The following DCK variants were observed in gnomAD, a reference collection of about 807,000 sequenced individuals.
DCK encodes the protein deoxycytidine kinase.
A neutral mutation model predicts 38.3 loss-of-function variants in DCK; 23 were observed. That is an observed-to-expected ratio of 0.60 (90% CI 0.43 to 0.85). DCK has a LOEUF of 0.85. DCK is among the 40% of genes least tolerant of loss of function. The probability of loss-of-function intolerance (pLI) is 0.00; values close to 1 mark genes in which losing one functional copy is unlikely to be tolerated. For missense variants in DCK, 259 were observed against 304.4 expected (o/e 0.85, Z 1.11); for synonymous variants, 108 against 100.6 (o/e 1.07, Z -0.44).
chr4:71,007,425 T>C (rs147027864), intron 2 of DCK, among the ~76,000 whole-genome samples: 4 of 152,334 alleles, frequency 2.6e-5, no homozygotes, highest in African/African-American at 9.6e-5. Flanking sequence ...AAATCCCTGT[T>C]CGCCTTCTCC....
chr4:71,006,307 A>G (rs535076369), intron 2 of DCK: 1 of 961,224 alleles, frequency 1.0e-6, no homozygotes, highest in South Asian at 4.8e-5. Context: ...CTGCACTGCA[A>G]ATGAGGAAGA....
chr4:71,017,561 A>C (rs1174009672), intron 2 of DCK, among the ~76,000 whole-genome samples: 2 of 152,256 alleles, frequency 1.3e-5, no homozygotes, highest in South Asian at 2.1e-4. Context: ...TGGATTAAGA[A>C]AATGTGGCAC....
chr4:70,993,705 C>CGGG lies in DCK; in HGVS notation c.-129_-128insGGG. On this transcript the variant is annotated 5_prime_UTR_variant, in exon 1 of 7. Coordinates refer to ENST00000286648, the MANE Select transcript of DCK (RefSeq NM_000788.3). ...CAAACCCCGACACCCGCCGGCGGGC[C>CGGG]GGTGAGCTCACTAGCTGACCCGGCA... 3.3e-6 allele frequency: 2 copies of CGGG among 604,978 alleles called. No individual in the cohort carries two copies. The highest frequency in any genetic ancestry group is 5.7e-6 in the Non-Finnish European group (2 of 348,042). 37.5% of individuals were successfully genotyped at this position (604,978 alleles called of 1,614,324 possible). A position where few individuals can be genotyped will look rare whatever the true frequency, so the allele number is the denominator to read the frequency against.
At position 70,993,927 on chromosome 4, in the gene DCK, G is replaced by T. The variant is rs1208237060; in HGVS notation, c.91+1G>T. On this transcript the variant is annotated splice_donor_variant, in intron 1 of 6. Transcript: ENST00000286648. LOFTEE classifies it high-confidence loss of function. Reference sequence around the variant, plus strand: ...AAAATCTCCATCGAAGGGAACATCGGTAAGGAGCCTCCGGAAATGTGGGAC... The same window carrying T: ...AAAATCTCCATCGAAGGGAACATCGTTAAGGAGCCTCCGGAAATGTGGGAC... 5 of 1,608,934 alleles carry T rather than the reference G, an allele frequency of 3.1e-6. No individual in the cohort carries two copies. The highest frequency in any genetic ancestry group is 4.3e-6 in the Non-Finnish European group (5 of 1,175,382).
At chr4:71,013,029 G>A (rs1009882107) in intron 2 of DCK, among the ~76,000 whole-genome samples, 5 of 152,138 alleles carry the variant, frequency 3.3e-5, no homozygotes, top group African/African-American at 1.2e-4. Flanking sequence ...AAGACGAATG[G>A]CTAACTAGAA....
At chr4:71,002,813 A>G (rs937413124) in intron 2 of DCK, among the ~76,000 whole-genome samples, 4 of 151,986 alleles carry the variant, frequency 2.6e-5, no homozygotes, top group African/African-American at 9.7e-5. Flanking sequence ...TTTGCTTGGT[A>G]AATCTTCCTC....
chr4:70,999,181 C>T (rs1739729248), intron 2 of DCK, among the ~76,000 whole-genome samples: 1 of 152,090 alleles, frequency 6.6e-6, no homozygotes, highest in African/African-American at 2.4e-5. Context: ...CCTCCTACCC[C>T]ACCGACAGGC....
chr4:71,004,848 G>A (rs566718829), intron 2 of DCK, among the ~76,000 whole-genome samples: 5 of 152,174 alleles, frequency 3.3e-5, no homozygotes, highest in African/African-American at 1.2e-4. Flanking sequence ...TCAGACTGCT[G>A]TGCTGGCAGT....
At chr4:71,000,190 AT>A (rs1444995472) in intron 2 of DCK, among the ~76,000 whole-genome samples, 3 of 152,134 alleles carry the variant, frequency 2.0e-5, no homozygotes, top group African/African-American at 7.2e-5. Context: ...TCTTGAATTA[AT>A]TTTTGTATAA....
rs181510638 is a variant in DCK at position 71,016,718 on chromosome 4, A to C, written c.208-5649A>C. 4.9e-3 allele frequency among the ~76,000 whole-genome samples: 752 copies of C among 152,348 alleles called. 11 individuals carry two copies. Among genetic ancestry groups the C allele is most frequent in the African/African-American group, 0.017 (717 of 41,574 alleles). ...CTATTTAATAAACGGTGCTGGAAAA[A>C]TGGCTAGCCATATGTAGAAAGCTGA... is the stretch of plus-strand genomic sequence containing the variant. On this transcript the variant is annotated intron_variant, in intron 2 of 6. Coordinates refer to ENST00000286648, the MANE Select transcript of DCK (RefSeq NM_000788.3).
intron 2 of DCK, among the ~76,000 whole-genome samples, chr4:71,012,197 A>C (rs1578423709): frequency 6.6e-6 from 1 of 152,232 alleles, no homozygotes; most frequent in Non-Finnish European, 1.5e-5. Context: ...ATCCAACTGC[A>C]AGGCGGCAGT....
chr4:70,998,624 T>C (rs1739713666), intron 2 of DCK, among the ~76,000 whole-genome samples: 1 of 152,128 alleles, frequency 6.6e-6, no homozygotes, highest in Non-Finnish European at 1.5e-5. Flanking sequence ...GGTGACTATA[T>C]GTTTAAACAT....
chr4:71,019,791 T>A (rs972976355), intron 2 of DCK, among the ~76,000 whole-genome samples: 8 of 151,684 alleles, frequency 5.3e-5, no homozygotes, highest in African/African-American at 1.9e-4. Flanking sequence ...TATTTTTTTT[T>A]AAATTTATTT....
chr4:70,994,197 A>T (rs957549769), intron 1 of DCK, among the ~76,000 whole-genome samples: 6 of 152,156 alleles, frequency 3.9e-5, no homozygotes, highest in African/African-American at 1.4e-4. Flanking sequence ...CTTTGTTGGG[A>T]ACTCGCAAAG....
In DCK at chr4:71,029,529, G is replaced by T. The variant is rs2148920970; in HGVS notation, c.*151G>T. 1.6e-5 allele frequency: 10 copies of T among 622,020 alleles called. No individual in the cohort carries two copies. Among genetic ancestry groups the T allele is most frequent in the Non-Finnish European group, 2.3e-5 (8 of 349,130 alleles). The allele number at this position is 622,020 out of a possible 1,614,324, so 38.5% of individuals were successfully genotyped here. A position where few individuals can be genotyped will look rare whatever the true frequency, so the allele number is the denominator to read the frequency against. On this transcript the variant is annotated 3_prime_UTR_variant, in exon 7 of 7. Coordinates refer to ENST00000286648, the MANE Select transcript of DCK (RefSeq NM_000788.3). ...AAAAGATTTTTAAAATGAATCTTAT[G>T]CAAAACTTTTTGACCAGTTTCTTTT... is the stretch of plus-strand genomic sequence containing the variant.
rs1325439955 is a variant in DCK, at chr4:71,029,610, C to T, written c.*232C>T. 1 of 463,912 alleles carries T rather than the reference C, an allele frequency of 2.2e-6. No homozygotes were observed. Among genetic ancestry groups the T allele is most frequent in the African/African-American group, 2.0e-5 (1 of 49,480 alleles). 28.7% of individuals were successfully genotyped at this position (463,912 alleles called of 1,614,324 possible). ...AAGACAAAGACATTATTTCTCATAG[C>T]AGGAAATGTAGAGGTAGATGGTTCC... On this transcript the variant is annotated 3_prime_UTR_variant, in exon 7 of 7. Coordinates refer to ENST00000286648, the MANE Select transcript of DCK (RefSeq NM_000788.3).
intron 2 of DCK, among the ~76,000 whole-genome samples, chr4:71,010,183 T>TA (rs1553942532): frequency 3.3e-5 from 5 of 151,238 alleles, no homozygotes; most frequent in African/African-American, 7.3e-5. Flanking sequence ...TTTTTTTTTT[T>TA]AACCTGCCAC....
At chr4:71,022,321 T>G in intron 2 of DCK, 46 bp from the exon 3 acceptor site, 1 of 1,113,454 alleles carries the variant, frequency 9.0e-7, no homozygotes, top group Non-Finnish European at 1.3e-6. Context: ...ATAGCCCTAT[T>G]GACCATTAAT....
At chr4:71,013,434 A>C (rs1316802661) in intron 2 of DCK, among the ~76,000 whole-genome samples, 1 of 152,204 alleles carries the variant, frequency 6.6e-6, no homozygotes, top group Non-Finnish European at 1.5e-5. Flanking sequence ...CCTCGAGAAG[A>C]GCAACTCCAA....
Sources: allele counts gnomAD v4.1 joint callset (sites outside exome capture counted in the v4.1 genomes callset), GRCh38; gene constraint gnomAD v4.1.1; transcripts MANE v1.5; gene names NCBI Gene and HGNC (gene_info 2026-07-23, HGNC 2026-07-21).